The following ATP10A variants were observed in gnomAD, a reference collection of about 807,000 sequenced individuals.
ATP10A encodes phospholipid-transporting ATPase VA.
Under a neutral mutation model 147.8 loss-of-function variants are expected in ATP10A, and 111 were observed. The observed-to-expected ratio is 0.75, with a 90% CI of 0.64 to 0.88. ATP10A has a LOEUF of 0.88. Among genes scored for constraint, ATP10A ranks in the 40% least tolerant of loss-of-function variants. ATP10A has a pLI of 0.00. For synonymous variants in ATP10A, 875 were observed against 841.6 expected (o/e 1.04, Z -0.69); for missense variants, 1,927 against 1,959.0 (o/e 0.98, Z 0.31).
intron 1 of ATP10A, among the ~76,000 whole-genome samples, chr15:25,833,045 T>C (rs1892430704): frequency 6.8e-6 from 1 of 148,144 alleles, no homozygotes; most frequent in Non-Finnish European, 1.5e-5. Flanking sequence ...TGCAGTGGTG[T>C]GATCTCGGCT....
chr15:25,817,812 A>C (rs1891728721), intron 1 of ATP10A, among the ~76,000 whole-genome samples: 1 of 152,188 alleles, frequency 6.6e-6, no homozygotes, highest in African/African-American at 2.4e-5. Flanking sequence ...ACAATACAAC[A>C]CGGGGCTCTT....
chr15:25,721,941 C>G (rs745862996), intron 6 of ATP10A, 32 bp from the exon 7 acceptor site: 2 of 1,594,070 alleles, frequency 1.3e-6, no homozygotes, highest in Admixed American at 3.4e-5. Flanking sequence ...GGATGAATGA[C>G]CGTGAGGACC....
At chr15:25,842,608 G>A (rs1237945051) in intron 1 of ATP10A, among the ~76,000 whole-genome samples, 1 of 152,158 alleles carries the variant, frequency 6.6e-6, no homozygotes, top group East Asian at 1.9e-4. Flanking sequence ...GGAGCCAAAT[G>A]ATTTTCATAC....
chr15:25,680,345 A>G, intron 19 of ATP10A, 37 bp from the exon 20 acceptor site: 3 of 1,590,952 alleles, frequency 1.9e-6, no homozygotes, highest in Non-Finnish European at 1.7e-6. Flanking sequence ...TTTTATTTCC[A>G]CCTAAAAGTG....
intron 2 of ATP10A, among the ~76,000 whole-genome samples, chr15:25,769,795 T>G (rs542026365): frequency 6.6e-6 from 1 of 152,170 alleles, no homozygotes; most frequent in Non-Finnish European, 1.5e-5. Flanking sequence ...GAATTCTACC[T>G]TCCCCAGATT....
chr15:25,824,889 T>TGTGA (rs1223668479), intron 1 of ATP10A, among the ~76,000 whole-genome samples: 1 of 152,036 alleles, frequency 6.6e-6, no homozygotes, highest in Non-Finnish European at 1.5e-5. Flanking sequence ...GGCCAGGTGC[T>TGTGA]GTGGTTCATG....
chr15:25,819,040 A>T (rs2140839543), intron 1 of ATP10A, among the ~76,000 whole-genome samples: 1 of 152,308 alleles, frequency 6.6e-6, no homozygotes, highest in South Asian at 2.1e-4. Context: ...CATGACGAAG[A>T]CCTCAAAAGC....
chr15:25,829,096 T>C (rs1306571481), intron 1 of ATP10A, among the ~76,000 whole-genome samples: 2 of 152,248 alleles, frequency 1.3e-5, no homozygotes, highest in African/African-American at 2.4e-5. Flanking sequence ...GGAAAGTCGA[T>C]GCAAATTTTA....
intron 1 of ATP10A, among the ~76,000 whole-genome samples, chr15:25,797,791 G>A (rs1890748457): frequency 6.6e-6 from 1 of 152,048 alleles, no homozygotes; most frequent in African/African-American, 2.4e-5. Flanking sequence ...GGGTGAGGGT[G>A]GGGAGAGAGA....
chr15:25,754,026 T>C (rs538104245), intron 2 of ATP10A, among the ~76,000 whole-genome samples: 11 of 152,244 alleles, frequency 7.2e-5, no homozygotes, highest in Admixed American at 5.9e-4. Context: ...TCTCAAACTG[T>C]TGGCCTCAAG....
chr15:25,806,591 T>C (rs1235098552), intron 1 of ATP10A, among the ~76,000 whole-genome samples: 3 of 152,220 alleles, frequency 2.0e-5, no homozygotes, highest in South Asian at 4.1e-4. Context: ...GGATTACAGG[T>C]GTGAGCCACC....
chr15:25,700,804 T>A (rs541640413), intron 13 of ATP10A, among the ~76,000 whole-genome samples: 3 of 151,926 alleles, frequency 2.0e-5, no homozygotes, highest in East Asian at 3.9e-4. Flanking sequence ...CATGTAAGTG[T>A]ATAACCAAAA....
At chr15:25,704,377 G>A (rs970302402) in intron 12 of ATP10A, among the ~76,000 whole-genome samples, 2 of 152,142 alleles carry the variant, frequency 1.3e-5, no homozygotes, top group Admixed American at 1.3e-4. Flanking sequence ...TCTCTAAATG[G>A]CAACTTCCTG....
intron 1 of ATP10A, among the ~76,000 whole-genome samples, chr15:25,790,644 A>G (rs1890371012): frequency 6.6e-6 from 1 of 152,252 alleles, no homozygotes; most frequent in Non-Finnish European, 1.5e-5. Context: ...CCCAGGAAAC[A>G]CTAGTTTGCG....
At chr15:25,808,945 G>C (rs760383978) in intron 1 of ATP10A, among the ~76,000 whole-genome samples, 1 of 152,192 alleles carries the variant, frequency 6.6e-6, no homozygotes, top group Non-Finnish European at 1.5e-5. Context: ...AAGACTGGAC[G>C]TAGTTGGGAG....
intron 10 of ATP10A, among the ~76,000 whole-genome samples, chr15:25,711,494 C>T (rs540911479): frequency 3.3e-5 from 5 of 152,190 alleles, no homozygotes; most frequent in Admixed American, 3.3e-4. Context: ...CTCCTGTAGT[C>T]GTTCTCTTGG....
intron 2 of ATP10A, among the ~76,000 whole-genome samples, chr15:25,780,775 C>T (rs1446050362): frequency 2.0e-5 from 3 of 152,160 alleles, no homozygotes; most frequent in Non-Finnish European, 2.9e-5. Context: ...TAACATTCTG[C>T]GAAACTTAGA....
chr15:25,742,632 C>A (rs967684846), intron 2 of ATP10A, among the ~76,000 whole-genome samples: 1 of 152,186 alleles, frequency 6.6e-6, no homozygotes, highest in African/African-American at 2.4e-5. Flanking sequence ...TGGCCCCAAA[C>A]GCTCCATGCT....
intron 1 of ATP10A, among the ~76,000 whole-genome samples, chr15:25,784,913 C>T (rs549121697): frequency 1.7e-4 from 26 of 150,398 alleles, no homozygotes; most frequent in African/African-American, 5.6e-4. Flanking sequence ...CGGAGCGAGA[C>T]CCCGTGTCAA....
Sources: gnomAD v4.1 joint callset for allele counts (sites outside exome capture counted in the v4.1 genomes callset) on GRCh38, gnomAD v4.1.1 for gene constraint, MANE v1.5 for transcripts, NCBI Gene and HGNC (gene_info 2026-07-23, HGNC 2026-07-21) for gene names.